Variants in PRTG observed in about 807,000 individuals in gnomAD.
The protein encoded by PRTG is immunoglobulin superfamily, DCC subclass, member 5.
In PRTG, 67 loss-of-function variants were observed where a neutral mutation model predicts 122.5. That is an observed-to-expected ratio of 0.55 (90% CI 0.45 to 0.67). The LOEUF is 0.67. Among genes scored for constraint, PRTG ranks in the 30% least tolerant of loss-of-function variants. PRTG has a pLI of 0.00. For synonymous variants in PRTG, 554 were observed against 501.1 expected, an observed-to-expected ratio of 1.11 and a Z score of -1.41; for missense variants, 1,435 against 1,415.4, an observed-to-expected ratio of 1.01 and a Z score of -0.22.
intron 15 of PRTG, among the ~76,000 whole-genome samples, chr15:55,634,897 C>T (rs1034291006): frequency 2.0e-5 from 3 of 152,106 alleles, no homozygotes; most frequent in Non-Finnish European, 2.9e-5. Context: ...TGAATTACAC[C>T]CGCATCGATT....
intron 2 of PRTG, among the ~76,000 whole-genome samples, chr15:55,691,406 G>C (rs2059600918): frequency 6.6e-6 from 1 of 152,040 alleles, no homozygotes; most frequent in Non-Finnish European, 1.5e-5. Flanking sequence ...GTTAAGGCTG[G>C]GCACGGTGGC....
At position 55,677,878 on chromosome 15, in the gene PRTG, C is replaced by T; in HGVS notation, c.1300G>A (p.Ala434Thr). The change falls in exon 8 of 20, where the codon GCC (alanine) becomes ACC (threonine). Residue 434 changes from alanine (A) to threonine (T), a missense_variant. Coordinates refer to ENST00000389286, the MANE Select transcript of PRTG (RefSeq NM_173814.6). ...GGCCTCTCCCAGGCTAAAAGAATGG[C>T]TGAGCTTGACATGGTTTCAGCATGT... ...NVHAETMSSSAILLAWERPLY... is the reference protein window; with the variant it reads ...NVHAETMSSSTILLAWERPLY... 3 of 1,613,906 alleles carry T rather than the reference C, an allele frequency of 1.9e-6. No homozygotes were observed. The highest frequency in any genetic ancestry group is 2.5e-6 in the Non-Finnish European group (3 of 1,179,846).
rs530394107 is a variant in PRTG, at chr15:55,625,302, T to C, written c.2928-795A>G. 1.1e-4 allele frequency among the ~76,000 whole-genome samples: 16 copies of C among 152,328 alleles called. No individual in the cohort carries two copies. The South Asian group carries it at 2.9e-3, about 28-fold the overall frequency. ...TTTATAGACACTCAATCCATGTTTA[T>C]TACATTTGTTTTAACCCTTGTCTAG... On this transcript the variant is annotated intron_variant, in intron 17 of 19. Transcript: ENST00000389286.
At chr15:55,729,286 A>G (rs1313360875) in intron 2 of PRTG, among the ~76,000 whole-genome samples, 1 of 152,220 alleles carries the variant, frequency 6.6e-6, no homozygotes, top group African/African-American at 2.4e-5. Context: ...ATATTATATG[A>G]TTTCATTGAT....
chr15:55,678,529 A>G (rs527605805), intron 7 of PRTG, among the ~76,000 whole-genome samples: 1 of 152,364 alleles, frequency 6.6e-6, no homozygotes, highest in African/African-American at 2.4e-5. Flanking sequence ...TACTGGCTAG[A>G]GCCACCATGT....
chr15:55,737,976 T>TTCTCTCTCTCTCTCTCTC (rs376933626), intron 2 of PRTG, among the ~76,000 whole-genome samples: 8 of 91,804 alleles, frequency 8.7e-5, no homozygotes, highest in African/African-American at 1.5e-4. Flanking sequence ...TTAATGCCTA[T>TTCTCTCTCTCTCTCTCTC]TCTCTCTCTC....
Position 55,698,209 on chromosome 15 carries a change from T to A in PRTG, c.398-14278A>T, listed in dbSNP as rs73408345. Among the ~76,000 whole-genome samples the A allele has an allele frequency of 5.1e-3, 781 of 152,306 alleles. 5 individuals are homozygous for A. The highest frequency in any genetic ancestry group is 0.018 in the African/African-American group (753 of 41,578). On this transcript the variant is annotated intron_variant, in intron 2 of 19. Transcript: ENST00000389286. Reference sequence around the variant, plus strand: ...TGAAAACATAAACTTATCTTCCCTGTCCTAAAAAGTAGCATCTAGATCTCA... The same window carrying A: ...TGAAAACATAAACTTATCTTCCCTGACCTAAAAAGTAGCATCTAGATCTCA...
chr15:55,669,480 G>A (rs2059456455), intron 11 of PRTG, among the ~76,000 whole-genome samples: 1 of 152,184 alleles, frequency 6.6e-6, no homozygotes, highest in South Asian at 2.1e-4. Context: ...CAGATGGTCA[G>A]TTGTCCAGTT....
At chr15:55,644,154 A>AT (rs2059307894) in intron 11 of PRTG, among the ~76,000 whole-genome samples, 2 of 152,186 alleles carry the variant, frequency 1.3e-5, no homozygotes, top group South Asian at 4.1e-4. Context: ...ATACTTCTTC[A>AT]TTCTGTCTCT....
At chr15:55,703,782 T>G (rs1003099898) in intron 2 of PRTG, among the ~76,000 whole-genome samples, 1 of 152,224 alleles carries the variant, frequency 6.6e-6, no homozygotes, top group Non-Finnish European at 1.5e-5. Flanking sequence ...AAAACTATTC[T>G]GTCTCCATAT....
intron 2 of PRTG, among the ~76,000 whole-genome samples, chr15:55,688,466 C>A (rs1283538836): frequency 6.6e-6 from 1 of 152,174 alleles, no homozygotes; most frequent in African/African-American, 2.4e-5. Context: ...ATACCTCTTC[C>A]AGCTTAGATC....
intron 17 of PRTG, among the ~76,000 whole-genome samples, chr15:55,625,509 T>A (rs1023989161): frequency 3.9e-5 from 6 of 152,006 alleles, no homozygotes; most frequent in Non-Finnish European, 8.8e-5. Flanking sequence ...TGGAGTGCAG[T>A]GCTACGATCA....
At chr15:55,650,153 G>A (rs952190810) in intron 11 of PRTG, among the ~76,000 whole-genome samples, 1 of 152,162 alleles carries the variant, frequency 6.6e-6, no homozygotes, top group Non-Finnish European at 1.5e-5. Flanking sequence ...GTCTGGTGGA[G>A]TTCAGTTTTC....
Position 55,727,723 on chromosome 15 carries a change from C to T in PRTG, c.397+12659G>A, listed in dbSNP as rs563754008. Among the ~76,000 whole-genome samples, 186 of 152,150 alleles carry T rather than the reference C, an allele frequency of 1.2e-3. 2 individuals carry two copies. Among genetic ancestry groups the T allele is most frequent in the Admixed American group, 6.1e-3 (94 of 15,286 alleles). ...AGGCAGAAGAATCACTTGAACCCAG[C>T]GGGCAGTGGTTGCAGTGAGCCAAGA... On this transcript the variant is annotated intron_variant, in intron 2 of 19. Coordinates refer to ENST00000389286, the MANE Select transcript of PRTG (RefSeq NM_173814.6).
At chr15:55,652,870 T>C (rs777999580) in intron 11 of PRTG, among the ~76,000 whole-genome samples, 7 of 152,044 alleles carry the variant, frequency 4.6e-5, no homozygotes, top group Non-Finnish European at 8.8e-5. Flanking sequence ...TTGTCTCATA[T>C]CGTCAAACTT....
chr15:55,739,038 G>A (rs1384919406), intron 2 of PRTG, among the ~76,000 whole-genome samples: 1 of 152,044 alleles, frequency 6.6e-6, no homozygotes, highest in Non-Finnish European at 1.5e-5. Flanking sequence ...AGTGTGGCTA[G>A]AACCGCAAAC....
chr15:55,624,462 T>G lies in PRTG; in HGVS notation c.2973A>C (p.Leu991Phe), dbSNP rs770098231. The G allele has an allele frequency of 4.3e-6, 7 of 1,613,942 alleles. No homozygotes were observed. In the African/African-American group the frequency reaches 6.7e-5, roughly 15 times the overall value. Residue 991 changes from leucine (L) to phenylalanine (F), a missense_variant, in exon 18 of 20, where the codon TTA (leucine) becomes TTC (phenylalanine). Transcript: ENST00000389286. Reference protein sequence around the residue: ...SKTAQNGTQQLPRTSASLASG... With the variant: ...SKTAQNGTQQFPRTSASLASG... ...TAGCTAAGGAGGCACTGGTACGAGG[T>G]AACTGTTGAGTTCCATTCTGTGCCG... is the stretch of plus-strand genomic sequence containing the variant.
intron 11 of PRTG, among the ~76,000 whole-genome samples, chr15:55,664,688 C>G (rs1486314272): frequency 6.6e-6 from 1 of 151,908 alleles, no homozygotes; most frequent in East Asian, 2.0e-4. Context: ...CTGGACTCAG[C>G]TGATTCTCCT....
At chr15:55,666,063 T>G (rs2059437841) in intron 11 of PRTG, among the ~76,000 whole-genome samples, 2 of 152,198 alleles carry the variant, frequency 1.3e-5, no homozygotes, top group African/African-American at 2.4e-5. Flanking sequence ...TCAGTCTTGC[T>G]CAGGGCTGTC....
Sources: allele counts gnomAD v4.1 joint callset (sites outside exome capture counted in the v4.1 genomes callset), GRCh38; gene constraint gnomAD v4.1.1; transcripts MANE v1.5; gene names NCBI Gene and HGNC (gene_info 2026-07-23, HGNC 2026-07-21).